The following ZNF34 variants were observed in gnomAD, a reference collection of about 807,000 sequenced individuals.
ZNF34 encodes zinc finger protein 34.
In ZNF34, 8 loss-of-function variants were observed where a neutral mutation model predicts 14.4. That is an observed-to-expected ratio of 0.55 (90% CI 0.33 to 1.00). The LOEUF (loss-of-function observed/expected upper bound fraction) is 1.00. Ranked by LOEUF, ZNF34 falls within the 50% of genes least tolerant of loss-of-function variation. ZNF34 has a pLI of 0.03. For synonymous variants in ZNF34, 235 were observed against 247.9 expected (o/e 0.95, Z 0.49); for missense variants, 538 against 674.2 (o/e 0.80, Z 2.24).
Position 144,774,624 on chromosome 8 carries a change from C to T in ZNF34, c.281-19G>A, listed in dbSNP as rs749913549. The T allele has an allele frequency of 3.1e-6, 5 of 1,594,424 alleles. No individual in the cohort carries two copies. Among genetic ancestry groups the T allele is most frequent in the Admixed American group, 1.7e-5 (1 of 57,838 alleles). On this transcript the variant is annotated intron_variant, in intron 5 of 5. Coordinates refer to ENST00000429371, the MANE Select transcript of ZNF34 (RefSeq NM_001286769.2). ...CCAAGAGCTGAAACAAAAAACAGAA[C>T]ATCTAAGGGTCACCTGCTCTGACTC...
chr8:144,781,983 C>T (rs1280113206), intron 1 of ZNF34, among the ~76,000 whole-genome samples: 4 of 151,298 alleles, frequency 2.6e-5, no homozygotes, highest in Non-Finnish European at 5.9e-5. Context: ...GTCAGGAGTT[C>T]GAGACCAGCC....
In ZNF34 at chr8:144,773,301, G is replaced by C; in HGVS notation, c.1585C>G (p.Gln529Glu). 6.2e-7 allele frequency: 1 copy of C among 1,612,398 alleles called. No homozygotes were observed. Among genetic ancestry groups the C allele is most frequent in the South Asian group, 1.1e-5 (1 of 91,034 alleles). The change falls in exon 6 of 6, where the codon CAG becomes GAG. Residue 529 changes from glutamine to glutamate, a missense_variant. Coordinates refer to ENST00000429371, the MANE Select transcript of ZNF34 (RefSeq NM_001286769.2). The surrounding 1 kb of genome is among the most constrained non-coding windows in gnomAD (Gnocchi z 5.4). ...AAGTCCTCCCGGAGGTGAATCCGCT[G>C]ATGCTGACACATGTTGGAACTGTGC... ...FRHSSNMCQH[Q>E]RIHLREDFSM
intron 1 of ZNF34, among the ~76,000 whole-genome samples, chr8:144,782,682 C>CA (rs1825962703): frequency 6.7e-6 from 1 of 149,928 alleles, no homozygotes; most frequent in Non-Finnish European, 1.5e-5. Flanking sequence ...ACAAAAAATA[C>CA]AAAAATTAGC....
At position 144,778,078 on chromosome 8, in the gene ZNF34, C is replaced by T; in HGVS notation, c.120G>A (p.Arg40=). ...TCCCGTAGGTCTCCAGCATCACGTCCCTGTAGAGGCCCCTCTGAGCAGGGC... is the reference window on the plus strand; with the variant it reads ...TCCCGTAGGTCTCCAGCATCACGTCTCTGTAGAGGCCCCTCTGAGCAGGGC... ...RLGPAQRGLY[R]DVMLETYGNL... Residue 40 remains arginine, a synonymous_variant, in exon 4 of 6, where the codon AGG becomes AGA. Coordinates refer to ENST00000429371, the MANE Select transcript of ZNF34 (RefSeq NM_001286769.2). 1 of 1,614,074 alleles carries T rather than the reference C, an allele frequency of 6.2e-7. No homozygotes were observed. Among genetic ancestry groups the T allele is most frequent in the Non-Finnish European group, 8.5e-7 (1 of 1,179,962 alleles).
At position 144,777,678 on chromosome 8, in the gene ZNF34, G is replaced by C. The variant is rs1329944165; in HGVS notation, c.161-101C>G. On this transcript the variant is annotated intron_variant, in intron 4 of 5. Coordinates refer to ENST00000429371, the MANE Select transcript of ZNF34 (RefSeq NM_001286769.2). This position sits in a 1 kb window ranked among gnomAD's most constrained non-coding sequence, Gnocchi z 4.8. ...CAGGGTAAGGGAGGCACAGGCAGAGGGGGTGATGGAAGCCTGGACACTCTC... is the reference window on the plus strand; with the variant it reads ...CAGGGTAAGGGAGGCACAGGCAGAGCGGGTGATGGAAGCCTGGACACTCTC... The C allele has an allele frequency of 1.4e-6, 2 of 1,396,384 alleles. No homozygotes were observed. The highest frequency in any genetic ancestry group is 2.9e-5 in the African/African-American group (2 of 69,940). 86.5% of individuals were successfully genotyped at this position (1,396,384 alleles called of 1,614,324 possible).
chr8:144,784,862 C>A (rs1240418721), intron 1 of ZNF34, among the ~76,000 whole-genome samples: 1 of 151,996 alleles, frequency 6.6e-6, no homozygotes, highest in African/African-American at 2.4e-5. Flanking sequence ...GTAGCTCACA[C>A]CTGTAATCTC....
intron 5 of ZNF34, among the ~76,000 whole-genome samples, chr8:144,776,275 GC>G (rs1326736801): frequency 1.3e-5 from 2 of 148,322 alleles, no homozygotes; most frequent in Non-Finnish European, 3.0e-5. Context: ...TCACACCACT[GC>G]CCTCCAGCCT....
Position 144,772,459 on chromosome 8 carries a change from T to C in ZNF34, c.*807A>G, listed in dbSNP as rs576471609. On this transcript the variant is annotated 3_prime_UTR_variant, in exon 6 of 6. Transcript: ENST00000429371. ...ATTGTACACTTAAAAATGGTTAAAA[T>C]TGTAAATTTCATATTATGTTATTTC... Among the ~76,000 whole-genome samples, 1 of 152,352 alleles carries C rather than the reference T, an allele frequency of 6.6e-6. No individual in the cohort carries two copies. Among genetic ancestry groups the C allele is most frequent in the East Asian group, 1.9e-4 (1 of 5,186 alleles).
At chr8:144,786,364 T>C (rs1195007093) in intron 1 of ZNF34, among the ~76,000 whole-genome samples, 1 of 151,968 alleles carries the variant, frequency 6.6e-6, no homozygotes, top group Non-Finnish European at 1.5e-5. Context: ...CCGGGCGCAG[T>C]GGCTCACGCC....
chr8:144,781,952 G>A lies in ZNF34; in HGVS notation c.-107-1672C>T, dbSNP rs537865779. ...TATAATCCCAGCACTTTGGGAGGCC[G>A]AGGCGGGTGGATCACTTGAGGTCAG... On this transcript the variant is annotated intron_variant, in intron 1 of 5. Coordinates refer to ENST00000429371, the MANE Select transcript of ZNF34 (RefSeq NM_001286769.2). 2.0e-5 allele frequency among the ~76,000 whole-genome samples: 3 copies of A among 152,136 alleles called. No individual in the cohort carries two copies. In the South Asian group the frequency reaches 6.2e-4, roughly 32 times the overall value.
Position 144,777,355 on chromosome 8 carries a change from G to A in ZNF34, c.280+103C>T, listed in dbSNP as rs556737935. On this transcript the variant is annotated intron_variant, in intron 5 of 5. Coordinates refer to ENST00000429371, the MANE Select transcript of ZNF34 (RefSeq NM_001286769.2). The surrounding 1 kb of genome is among the most constrained non-coding windows in gnomAD (Gnocchi z 4.8). The stretch of plus-strand genomic sequence containing the variant: ...CTGTCAGGCCTCCTGTGCTAGCCCC[G>A]ATGAATCTGGCCCACAAACTCCTGA... The A allele has an allele frequency of 5.1e-5, 73 of 1,444,648 alleles. No homozygotes were observed. In the East Asian group the frequency reaches 5.8e-4, roughly 12 times the overall value. 89.5% of individuals were successfully genotyped at this position (1,444,648 alleles called of 1,614,324 possible).
rs62531485 is a variant in ZNF34, at chr8:144,776,286, T to C, written c.280+1172A>G. Among the ~76,000 whole-genome samples the C allele has an allele frequency of 8.0e-3, 1,157 of 145,012 alleles. 5 individuals carry two copies. Among genetic ancestry groups the C allele is most frequent in the Non-Finnish European group, 0.012 (791 of 67,130 alleles). On this transcript the variant is annotated intron_variant, in intron 5 of 5. Coordinates refer to ENST00000429371, the MANE Select transcript of ZNF34 (RefSeq NM_001286769.2). The stretch of plus-strand genomic sequence containing the variant: ...GAGATCACACCACTGCCCTCCAGCC[T>C]GGGCAACAGAGCAAGACTCTGTCTC...
chr8:144,777,826 G>T lies in ZNF34; in HGVS notation c.160+212C>A, dbSNP rs765338178. 3.3e-5 allele frequency among the ~76,000 whole-genome samples: 5 copies of T among 152,120 alleles called. No homozygotes were observed. Among genetic ancestry groups the T allele is most frequent in the African/African-American group, 4.8e-5 (2 of 41,408 alleles). On this transcript the variant is annotated intron_variant, in intron 4 of 5. Coordinates refer to ENST00000429371, the MANE Select transcript of ZNF34 (RefSeq NM_001286769.2). This position sits in a 1 kb window ranked among gnomAD's most constrained non-coding sequence, Gnocchi z 4.8. ...GTGTCCCCCGCCCTACCAGGGAGGG[G>T]TCTGCCTGGGACCTGGGGCGAGAGG...
Position 144,777,940 on chromosome 8 carries a change from C to T in ZNF34, c.160+98G>A. 5 of 1,532,004 alleles carry T rather than the reference C, an allele frequency of 3.3e-6. No individual in the cohort carries two copies. The highest frequency in any genetic ancestry group is 1.4e-5 in the African/African-American group (1 of 72,918). 94.9% of individuals were successfully genotyped at this position (1,532,004 alleles called of 1,614,324 possible). On this transcript the variant is annotated intron_variant, in intron 4 of 5. Transcript: ENST00000429371. This position sits in a 1 kb window ranked among gnomAD's most constrained non-coding sequence, Gnocchi z 4.8. Reference sequence around the variant, plus strand: ...TGCCTGCCTGGGATAAAGGTCATCACCTATCTGTGCCCAGGGGGTGAGGCC... The same window carrying T: ...TGCCTGCCTGGGATAAAGGTCATCATCTATCTGTGCCCAGGGGGTGAGGCC...
At chr8:144,786,254 G>A (rs1301310693) in intron 1 of ZNF34, among the ~76,000 whole-genome samples, 5 of 151,978 alleles carry the variant, frequency 3.3e-5, no homozygotes, top group African/African-American at 1.2e-4. Context: ...CTCCCAAAGT[G>A]CTGGGATTGC....
At chr8:144,787,139 C>G (rs1826296078) in intron 1 of ZNF34, 140 bp downstream of exon 1, 1 of 152,312 alleles carries the variant, frequency 6.6e-6, no homozygotes. Flanking sequence ...GTCCCTCGAA[C>G]AGGAAGTGCC....
At chr8:144,776,875 G>A (rs1479714059) in intron 5 of ZNF34, among the ~76,000 whole-genome samples, 2 of 144,994 alleles carry the variant, frequency 1.4e-5, no homozygotes, top group African/African-American at 5.2e-5. Flanking sequence ...TCATACCACT[G>A]CACTCCAGCC....
rs2979093 is a variant in ZNF34 at position 144,774,450 on chromosome 8, C to A, written c.436G>T (p.Val146Phe). The change falls in exon 6 of 6, where the codon GTC becomes TTC. Residue 146 changes from valine to phenylalanine, a missense_variant. By Grantham distance (50) the Val-to-Phe change is conservative. Around this residue, in one of 3 missense-constraint regions of ZNF34, gnomAD observed 431 missense variants for 525.7 expected, o/e 0.82. Coordinates refer to ENST00000429371, the MANE Select transcript of ZNF34 (RefSeq NM_001286769.2). The part of the protein sequence containing the change: ...KLVEQRGPRA[V>F]TLTNGESSRE... ...CTGCTCTCCCCGTTGGTCAGTGTGA[C>A]TGCCCTGGGGCCTCTCTGCTCCACT... is the stretch of plus-strand genomic sequence containing the variant. 2,123 of 1,614,016 alleles carry A rather than the reference C, an allele frequency of 1.3e-3. 31 individuals are homozygous for A. The African/African-American group carries it at 0.025, about 19-fold the overall frequency.
chr8:144,781,977 G>C (rs1337177695), intron 1 of ZNF34, among the ~76,000 whole-genome samples: 3 of 151,308 alleles, frequency 2.0e-5, no homozygotes, highest in Non-Finnish European at 4.4e-5. Flanking sequence ...CTTGAGGTCA[G>C]GAGTTCGAGA....
Sources: allele counts gnomAD v4.1 joint callset (sites outside exome capture counted in the v4.1 genomes callset), GRCh38; gene constraint gnomAD v4.1.1; regional missense constraint gnomAD v4.1.1; non-coding constraint Gnocchi (gnomAD v3.1); transcripts MANE v1.5; gene names NCBI Gene and HGNC (gene_info 2026-07-23, HGNC 2026-07-21).